The following TET1 variants were observed in gnomAD, a reference collection of about 807,000 sequenced individuals.
TET1 encodes the protein tet methylcytosine dioxygenase 1, also known as methylcytosine dioxygenase TET1.
TET1 carries 13 observed loss-of-function variants against 148.7 expected under a neutral mutation model. That is an observed-to-expected ratio of 0.09 (90% CI 0.06 to 0.14). The LOEUF is 0.14. Among genes scored for constraint, TET1 ranks in the 10% least tolerant of loss-of-function variants. TET1 has a pLI of 1.00. For missense variants in TET1, 2,182 were observed against 2,553.8 expected (o/e 0.85, Z 3.14); for synonymous variants, 907 against 937.2 (o/e 0.97, Z 0.59).
At chr10:68,585,130 G>A (rs1387774551) in intron 2 of TET1, among the ~76,000 whole-genome samples, 2 of 151,998 alleles carry the variant, frequency 1.3e-5, no homozygotes, top group African/African-American at 2.4e-5. Context: ...TCAGCCTCCC[G>A]AGTAGCTGGG....
intron 3 of TET1, among the ~76,000 whole-genome samples, chr10:68,608,753 C>T (rs1021727411): frequency 3.9e-5 from 6 of 152,042 alleles, no homozygotes; most frequent in South Asian, 2.1e-4. Flanking sequence ...CCAGGCTGGC[C>T]GCCAACTCCT....
chr10:68,603,614 T>C (rs1164305725), intron 3 of TET1, among the ~76,000 whole-genome samples: 1 of 151,902 alleles, frequency 6.6e-6, no homozygotes. Context: ...CTATGAAAAA[T>C]TTAAAAATTA....
Position 68,651,872 on chromosome 10 carries a change from C to G in TET1, c.4303C>G (p.Pro1435Ala). The change falls in exon 5 of 12, where the codon CCA (proline) becomes GCA (alanine). Residue 1435 changes from proline (P) to alanine (A), a missense_variant. By Grantham distance (27) the Pro-to-Ala change is conservative. Around this residue, in one of 11 missense-constraint regions of TET1, gnomAD observed 169 missense variants for 263.7 expected, o/e 0.64. Coordinates refer to ENST00000373644, the MANE Select transcript of TET1 (RefSeq NM_030625.3). Reference protein sequence around the residue: ...LDRVIQKDKGPYYTHLGAGPS... With the variant: ...LDRVIQKDKGAYYTHLGAGPS... The stretch of plus-strand genomic sequence containing the variant: ...TCGAGTTATACAAAAAGACAAAGGC[C>G]CATATTATACACACCTTGGGGCAGG... 2 of 1,613,086 alleles carry G rather than the reference C, an allele frequency of 1.2e-6. No individual in the cohort carries two copies. The highest frequency in any genetic ancestry group is 1.7e-6 in the Non-Finnish European group (2 of 1,179,664).
intron 6 of TET1, among the ~76,000 whole-genome samples, chr10:68,659,443 C>G (rs1487376152): frequency 6.6e-6 from 1 of 151,990 alleles, no homozygotes; most frequent in African/African-American, 2.4e-5. Context: ...CTCAGCCTCT[C>G]GAGTAGCTGG....
At chr10:68,610,692 C>T (rs971125120) in intron 3 of TET1, among the ~76,000 whole-genome samples, 23 of 152,102 alleles carry the variant, frequency 1.5e-4, no homozygotes, top group Admixed American at 3.3e-4. Context: ...AGGTCTTCCT[C>T]GGTCACCCAG....
At chr10:68,616,234 C>G (rs2664421) in intron 3 of TET1, among the ~76,000 whole-genome samples, 1 of 151,888 alleles carries the variant, frequency 6.6e-6, no homozygotes, top group East Asian at 1.9e-4. Flanking sequence ...GTAATTCAGA[C>G]GCTCATTATG....
At chr10:68,639,007 G>A (rs1001372272) in intron 3 of TET1, among the ~76,000 whole-genome samples, 1 of 152,044 alleles carries the variant, frequency 6.6e-6, no homozygotes, top group Non-Finnish European at 1.5e-5. Flanking sequence ...TTCAGGGTGG[G>A]TAGGATGGTC....
chr10:68,606,593 G>T (rs540526822), intron 3 of TET1, among the ~76,000 whole-genome samples: 1 of 144,854 alleles, frequency 6.9e-6, no homozygotes, highest in Admixed American at 6.9e-5. Flanking sequence ...ATCCTTCAGG[G>T]GAAAAACAAA....
intron 3 of TET1, among the ~76,000 whole-genome samples, chr10:68,625,225 G>C (rs935567695): frequency 6.6e-6 from 1 of 152,138 alleles, no homozygotes; most frequent in Admixed American, 6.6e-5. Context: ...TCCTGGCAAG[G>C]GTCCTTTGTT....
intron 1 of TET1, among the ~76,000 whole-genome samples, chr10:68,564,133 G>A (rs1357662898): frequency 6.6e-6 from 1 of 151,582 alleles, no homozygotes; most frequent in African/African-American, 2.4e-5. Context: ...GACATTTTAG[G>A]GGGAAAAATG....
At chr10:68,584,266 T>A (rs1210258782) in intron 2 of TET1, among the ~76,000 whole-genome samples, 1 of 151,206 alleles carries the variant, frequency 6.6e-6, no homozygotes, top group Non-Finnish European at 1.5e-5. Flanking sequence ...GGTCTTGAAC[T>A]CCTGACCTCA....
At chr10:68,565,115 C>T (rs571390327) in intron 1 of TET1, among the ~76,000 whole-genome samples, 1 of 151,906 alleles carries the variant, frequency 6.6e-6, no homozygotes, top group South Asian at 2.1e-4. Context: ...AGAGTGTACA[C>T]GGGAGAGATT....
intron 2 of TET1, among the ~76,000 whole-genome samples, chr10:68,576,461 G>A (rs900036371): frequency 1.3e-5 from 2 of 151,864 alleles, no homozygotes; most frequent in East Asian, 1.9e-4. Context: ...CTAGGAGGTC[G>A]AAATCAGCCT....
chr10:68,594,760 C>T (rs1474425977), intron 2 of TET1, among the ~76,000 whole-genome samples: 1 of 152,104 alleles, frequency 6.6e-6, no homozygotes, highest in East Asian at 1.9e-4. Context: ...AGGCTGACCA[C>T]TTGAGGTCAG....
At position 68,646,150 on chromosome 10, in the gene TET1, A is replaced by G. The variant is rs578122005; in HGVS notation, c.3421A>G (p.Lys1141Glu). ...CAATAATCATGGTTCATCATTAACA[A>G]AACAAAAGAACCCAACCCAGAAAAA... ...VHNNHGSSLTKQKNPTQKKTK... is the reference protein window; with the variant it reads ...VHNNHGSSLTEQKNPTQKKTK... Residue 1141 changes from lysine (K) to glutamate (E), a missense_variant, in exon 4 of 12, where the codon AAA (lysine) becomes GAA (glutamate). By Grantham distance (56) the Lys-to-Glu change is moderately conservative (BLOSUM62 1). Transcript: ENST00000373644. 2 of 1,613,136 alleles carry G rather than the reference A, an allele frequency of 1.2e-6. No homozygotes were observed.
intron 2 of TET1, among the ~76,000 whole-genome samples, chr10:68,591,042 A>G (rs948475072): frequency 6.6e-6 from 1 of 151,846 alleles, no homozygotes; most frequent in African/African-American, 2.4e-5. Flanking sequence ...TTTAGTAGAG[A>G]TGGGGTTTCT....
chr10:68,594,046 C>G (rs2053951050), intron 2 of TET1, among the ~76,000 whole-genome samples: 1 of 149,686 alleles, frequency 6.7e-6, no homozygotes, highest in South Asian at 2.2e-4. Context: ...CTGCCTCAGC[C>G]TCCTGACTAG....
chr10:68,686,690 C>T lies in TET1; in HGVS notation c.5387C>T (p.Ser1796Leu), dbSNP rs2133235828. The stretch of plus-strand genomic sequence containing the variant: ...ACAACAACAAACAACAGTAAGCCTT[C>T]GTCACTGCCAACCTTAGGTGAGCCC... ...NSTTTNNSKP[S>L]SLPTLGSNTE... The change falls in exon 11 of 12, where the codon TCG becomes TTG. Residue 1796 changes from serine to leucine, a missense_variant. Transcript: ENST00000373644. 6.2e-7 allele frequency: 1 copy of T among 1,613,120 alleles called. No homozygotes were observed. Among genetic ancestry groups the T allele is most frequent in the Middle Eastern group, 1.7e-4 (1 of 6,058 alleles).
chr10:68,593,407 G>A lies in TET1; in HGVS notation c.1915-7574G>A, dbSNP rs532008953. The stretch of plus-strand genomic sequence containing the variant: ...TCAATAATTTTAAGTTCTCTGAAAT[G>A]GAAGGGAAAAAAATAAAGTTTTTTT... On this transcript the variant is annotated intron_variant, in intron 2 of 11. Transcript: ENST00000373644. 2.0e-5 allele frequency among the ~76,000 whole-genome samples: 3 copies of A among 150,470 alleles called. No individual in the cohort carries two copies. In the East Asian group the frequency reaches 5.9e-4, roughly 29 times the overall value.
Sources: gnomAD v4.1 joint callset for allele counts (sites outside exome capture counted in the v4.1 genomes callset) on GRCh38, gnomAD v4.1.1 for gene constraint, gnomAD v4.1.1 regional missense constraint, MANE v1.5 for transcripts, NCBI Gene and HGNC (gene_info 2026-07-23, HGNC 2026-07-21) for gene names.